Variants in VTI1A observed in about 807,000 individuals in gnomAD.
VTI1A encodes the protein vesicle transport through interaction with t-SNAREs homolog 1A.
In VTI1A, 22 loss-of-function variants were observed where a neutral mutation model predicts 34.9. The observed-to-expected ratio is 0.63, with a 90% confidence interval of 0.45 to 0.90. VTI1A has a LOEUF of 0.90. Ranked by LOEUF, VTI1A falls within the 40% of genes least tolerant of loss-of-function variation. VTI1A has a pLI of 0.00. For missense variants in VTI1A, 268 were observed against 275.6 expected (o/e 0.97, Z 0.20); for synonymous variants, 87 against 97.3 (o/e 0.89, Z 0.62).
the VTI1A span, among the ~76,000 whole-genome samples, chr10:112,830,834 TATATATATATATA>T: frequency 6.4e-5 from 3 of 47,162 alleles, no homozygotes; most frequent in Non-Finnish European, 1.3e-4. Context: ...TATATATATA[TATATATATATATA>T]TATTTTTTTT....
intron 7 of VTI1A, among the ~76,000 whole-genome samples, chr10:112,751,541 C>T (rs2133992810): frequency 6.6e-6 from 1 of 150,744 alleles, no homozygotes; most frequent in South Asian, 2.1e-4. Context: ...GAGACAGCTG[C>T]CCACATCTCA....
chr10:112,468,717 TC>T (rs1305111315), intron 3 of VTI1A, among the ~76,000 whole-genome samples: 2 of 152,220 alleles, frequency 1.3e-5, no homozygotes, highest in Non-Finnish European at 2.9e-5. Context: ...TCTTTCCTGT[TC>T]CTTCCATGGC....
chr10:112,739,576 G>A (rs1249783642), intron 7 of VTI1A, among the ~76,000 whole-genome samples: 1 of 152,218 alleles, frequency 6.6e-6, no homozygotes, highest in East Asian at 1.9e-4. Flanking sequence ...AACAAGCGAT[G>A]TCTTGTATTT....
intron 3 of VTI1A, among the ~76,000 whole-genome samples, chr10:112,520,641 G>GTATATA (rs1397537845): frequency 4.5e-5 from 5 of 111,464 alleles, no homozygotes; most frequent in Admixed American, 2.7e-4. Context: ...GTGTGTGTGT[G>GTATATA]TGTGTGTATA....
intron 5 of VTI1A, among the ~76,000 whole-genome samples, chr10:112,561,486 A>G (rs1851723855): frequency 1.3e-5 from 2 of 152,210 alleles, no homozygotes; most frequent in African/African-American, 4.8e-5. Context: ...TGTAAATCTC[A>G]GTTTTCCATT....
chr10:112,708,356 C>T (rs1033801990), intron 7 of VTI1A, among the ~76,000 whole-genome samples: 17 of 152,278 alleles, frequency 1.1e-4, no homozygotes, highest in East Asian at 9.6e-4. Context: ...TTTATATAAA[C>T]AGGGTTACAG....
At chr10:112,764,412 G>A (rs1453109734) in intron 7 of VTI1A, among the ~76,000 whole-genome samples, 1 of 152,130 alleles carries the variant, frequency 6.6e-6, no homozygotes, top group Admixed American at 6.5e-5. Flanking sequence ...TTGGTTCTGT[G>A]TTTACAAAAG....
chr10:112,745,996 T>A (rs916064317), intron 7 of VTI1A, among the ~76,000 whole-genome samples: 1 of 152,192 alleles, frequency 6.6e-6, no homozygotes, highest in South Asian at 2.1e-4. Context: ...TACAAAACCT[T>A]TCCCTTCCCT....
intron 7 of VTI1A, among the ~76,000 whole-genome samples, chr10:112,703,839 G>A (rs1849100261): frequency 6.6e-6 from 1 of 152,056 alleles, no homozygotes; most frequent in African/African-American, 2.4e-5. Flanking sequence ...CATTATTTAG[G>A]TAGCTAAAAA....
At chr10:112,788,874 T>C (rs529071642) in intron 7 of VTI1A, among the ~76,000 whole-genome samples, 2 of 152,232 alleles carry the variant, frequency 1.3e-5, no homozygotes, top group South Asian at 4.1e-4. Flanking sequence ...TTGTAACTTT[T>C]CATGAACTAC....
the VTI1A span, among the ~76,000 whole-genome samples, chr10:112,848,326 T>G: frequency 6.6e-6 from 1 of 152,202 alleles, no homozygotes; most frequent in African/African-American, 2.4e-5. Context: ...TTCAATCTCC[T>G]CCTTTGATGA....
At chr10:112,829,249 C>G in the VTI1A span, among the ~76,000 whole-genome samples, 2 of 150,606 alleles carry the variant, frequency 1.3e-5, no homozygotes, top group Middle Eastern at 3.5e-3. Flanking sequence ...TCGAGACCAT[C>G]CGGGCTAACA....
At chr10:112,795,431 C>CTTTTTTTTTTTTTTTTTT (rs35159993) in intron 7 of VTI1A, among the ~76,000 whole-genome samples, 5 of 123,988 alleles carry the variant, frequency 4.0e-5, no homozygotes, top group Non-Finnish European at 6.6e-5. Flanking sequence ...CCCTATTACT[C>CTTTTTTTTTTTTTTTTTT]TTTTTTTTTT....
chr10:112,719,401 A>G (rs1339491439), intron 7 of VTI1A, among the ~76,000 whole-genome samples: 1 of 152,178 alleles, frequency 6.6e-6, no homozygotes, highest in Non-Finnish European at 1.5e-5. Context: ...CTTGATCCTT[A>G]TCGATTATGT....
chr10:112,797,315 G>A (rs1432224133), intron 7 of VTI1A, among the ~76,000 whole-genome samples: 3 of 152,138 alleles, frequency 2.0e-5, no homozygotes, highest in East Asian at 3.9e-4. Context: ...TAGATTGTTC[G>A]AGGAAGGGCC....
chr10:112,519,213 A>G (rs1849921187), intron 3 of VTI1A, among the ~76,000 whole-genome samples: 1 of 152,136 alleles, frequency 6.6e-6, no homozygotes, highest in Non-Finnish European at 1.5e-5. Context: ...TGAAGTAACC[A>G]GGAGTTACCA....
chr10:112,605,082 T>C (rs1490538125), intron 5 of VTI1A, among the ~76,000 whole-genome samples: 5 of 152,172 alleles, frequency 3.3e-5, no homozygotes, highest in Admixed American at 3.3e-4. Flanking sequence ...GTTTCTGTTA[T>C]GTCCCTGACC....
intron 5 of VTI1A, among the ~76,000 whole-genome samples, chr10:112,640,235 A>G (rs983662535): frequency 1.3e-5 from 2 of 152,202 alleles, no homozygotes; most frequent in African/African-American, 4.8e-5. Context: ...ATGTCATATT[A>G]GGACATCTTT....
intron 3 of VTI1A, among the ~76,000 whole-genome samples, chr10:112,484,484 T>G (rs1172001239): frequency 6.6e-6 from 1 of 152,228 alleles, no homozygotes; most frequent in Non-Finnish European, 1.5e-5. Context: ...TTGTGAAGTC[T>G]TTTCTAGGAC....
Sources: gnomAD v4.1 joint callset for allele counts (sites outside exome capture counted in the v4.1 genomes callset) on GRCh38, gnomAD v4.1.1 for gene constraint, MANE v1.5 for transcripts, NCBI Gene and HGNC (gene_info 2026-07-23, HGNC 2026-07-21) for gene names.